BTN3A3: variants seen among roughly 807,000 people sequenced by gnomAD.
BTN3A3 encodes butyrophilin subfamily 3 member A3.
Under a neutral mutation model 43.2 loss-of-function variants are expected in BTN3A3, and 39 were observed. The observed-to-expected ratio is 0.90, with a 90% CI of 0.70 to 1.18. The LOEUF (loss-of-function observed/expected upper bound fraction) is 1.18, where lower values mean the gene tolerates loss of function less well. Ranked by LOEUF, BTN3A3 falls within the 50% of genes most tolerant of loss-of-function variation. The pLI is 0.00. For missense variants in BTN3A3, 631 were observed against 722.8 expected, an observed-to-expected ratio of 0.87 and a Z score of 1.46; for synonymous variants, 255 against 272.7, an observed-to-expected ratio of 0.93 and a Z score of 0.64.
At chr6:26,447,386 A>G (rs921209112) in intron 5 of BTN3A3, among the ~76,000 whole-genome samples, 4 of 152,150 alleles carry the variant, frequency 2.6e-5, no homozygotes, top group Non-Finnish European at 4.4e-5. Context: ...ATTTAGAGAC[A>G]GAGTCTCACT....
intron 5 of BTN3A3, 151 bp downstream of exon 5, chr6:26,446,136 A>G: frequency 7.7e-7 from 1 of 1,305,188 alleles, no homozygotes; most frequent in South Asian, 1.5e-5. Context: ...AAGGCTACTC[A>G]CTGCTTTAGG....
chr6:26,446,477 A>G (rs2281027), intron 5 of BTN3A3, among the ~76,000 whole-genome samples: 26,344 of 152,160 alleles, frequency 0.17, 6,071 homozygotes, highest in African/African-American at 0.53. Flanking sequence ...ATCATTTTTC[A>G]CTTATGATAT....
At position 26,448,317 on chromosome 6, in the gene BTN3A3, T is replaced by A; in HGVS notation, c.785T>A (p.Leu262His). ...LAGTLPISLL[L>H]LAGASYFLWR... ...GGGACCCTGCCTATCTCGTTGCTGCTTCTCGCAGGAGCCAGTTACTTCTTG... is the reference window on the plus strand; with the variant it reads ...GGGACCCTGCCTATCTCGTTGCTGCATCTCGCAGGAGCCAGTTACTTCTTG... The change falls in exon 6 of 11, where the codon CTT becomes CAT. Residue 262 changes from leucine to histidine, a missense_variant. By Grantham distance (99) the Leu-to-His change is moderately conservative. Transcript: ENST00000244519. The A allele has an allele frequency of 6.2e-7, 1 of 1,613,732 alleles. No homozygotes were observed. Among genetic ancestry groups the A allele is most frequent in the Non-Finnish European group, 8.5e-7 (1 of 1,179,942 alleles).
rs763588942 is a variant in BTN3A3 at position 26,452,262 on chromosome 6, C to G, written c.1606C>G (p.Leu536Val). The G allele has an allele frequency of 9.9e-6, 16 of 1,614,196 alleles. No individual in the cohort carries two copies. The highest frequency in any genetic ancestry group is 3.3e-4 in the Middle Eastern group (2 of 6,062). ...GCCTGATCATTCCCTGGAGACACCA[C>G]TGACCCCGGGCTTAGCTAATGAAAG... ...LVPDHSLETPLTPGLANESGE... is the reference protein window; with the variant it reads ...LVPDHSLETPVTPGLANESGE... The change falls in exon 11 of 11, where the codon CTG becomes GTG. Residue 536 changes from leucine to valine, a missense_variant. By Grantham distance (32) the Leu-to-Val change is conservative. Coordinates refer to ENST00000244519, the MANE Select transcript of BTN3A3 (RefSeq NM_006994.5).
intron 9 of BTN3A3, 31 bp downstream of exon 9, chr6:26,449,719 T>C: frequency 6.2e-7 from 1 of 1,613,616 alleles, no homozygotes; most frequent in East Asian, 2.2e-5. Flanking sequence ...CTGGGTTTGC[T>C]GGGTCATGTA....
intron 1 of BTN3A3, among the ~76,000 whole-genome samples, chr6:26,441,988 C>T (rs1295607568): frequency 6.6e-6 from 1 of 152,190 alleles, no homozygotes; most frequent in Non-Finnish European, 1.5e-5. Context: ...CCTTCTATAG[C>T]AACATAAAGA....
Position 26,448,390 on chromosome 6 carries a change from A to T in BTN3A3, c.858A>T (p.Arg286Ser). The change falls in exon 6 of 11, where the codon AGA becomes AGT. Residue 286 changes from arginine (R) to serine (S), a missense_variant. Coordinates refer to ENST00000244519, the MANE Select transcript of BTN3A3 (RefSeq NM_006994.5). The stretch of plus-strand genomic sequence containing the variant: ...TTGCTCTGTCCAGGGAGACAGAAAG[A>T]GAGCGAGAGATGAAAGAAATGGGAT... Reference protein sequence around the residue: ...EKIALSRETEREREMKEMGYA... With the variant: ...EKIALSRETESEREMKEMGYA... 6.2e-7 allele frequency: 1 copy of T among 1,613,998 alleles called. No individual in the cohort carries two copies. The highest frequency in any genetic ancestry group is 1.1e-5 in the South Asian group (1 of 91,078).
rs778094119 is a variant in BTN3A3 at position 26,445,926 on chromosome 6, C to T, written c.656C>T (p.Ser219Phe). 1.2e-6 allele frequency: 2 copies of T among 1,614,156 alleles called. No homozygotes were observed. Among genetic ancestry groups the T allele is most frequent in the South Asian group, 1.1e-5 (1 of 91,074 alleles). The change falls in exon 5 of 11, where the codon TCC becomes TTC. Residue 219 changes from serine (S) to phenylalanine (F), a missense_variant. This residue lies in a region of BTN3A3 where 551 missense variants were observed against 584.0 expected (regional missense o/e 0.94). Coordinates refer to ENST00000244519, the MANE Select transcript of BTN3A3 (RefSeq NM_006994.5). ...AGAGGCAGCTCTGGTGGGGGTGTAT[C>T]CTGCATCATCAGAAATTCCCTCCTC... ...IMRGSSGGGV[S>F]CIIRNSLLGL...
rs1581650857 is a variant in BTN3A3, at chr6:26,443,657, C to T, written c.83C>T (p.Ser28Leu). The T allele has an allele frequency of 1.2e-6, 2 of 1,614,114 alleles. No individual in the cohort carries two copies. The highest frequency in any genetic ancestry group is 2.2e-5 in the East Asian group (1 of 44,890). ...LFLVQLLTPC[S>L]AQFSVLGPSG... ...TTGGTCCAGCTGCTCACTCCTTGCT[C>T]AGGTAGGGAATGATTCCATGATTCC... Residue 28 changes from serine to leucine, a missense_variant and splice_region_variant, in exon 3 of 11, where the codon TCA (serine) becomes TTA (leucine). Around this residue, in one of 2 missense-constraint regions of BTN3A3, gnomAD observed 80 missense variants for 138.7 expected, o/e 0.58. Coordinates refer to ENST00000244519, the MANE Select transcript of BTN3A3 (RefSeq NM_006994.5).
At chr6:26,443,766 C>T in intron 3 of BTN3A3, 107 bp downstream of exon 3, 2 of 1,494,670 alleles carry the variant, frequency 1.3e-6, no homozygotes, top group Non-Finnish European at 1.8e-6. Context: ...GAACCTTTAA[C>T]TCATTCCCAT....
Position 26,452,149 on chromosome 6 carries a change from T to C in BTN3A3, c.1493T>C (p.Val498Ala), listed in dbSNP as rs777638042. The change falls in exon 11 of 11, where the codon GTT becomes GCT. Residue 498 changes from valine to alanine, a missense_variant. Val to Ala is a moderately conservative substitution (Grantham distance 64). This residue lies in a region of BTN3A3 where 551 missense variants were observed against 584.0 expected (regional missense o/e 0.94). Transcript: ENST00000244519. The part of the protein sequence containing the change: ...HASFSEPLYP[V>A]FRILTLEPTA... The stretch of plus-strand genomic sequence containing the variant: ...TCTTTCTCTGAGCCTCTATATCCTG[T>C]TTTCAGAATTTTGACCTTGGAGCCC... 6.2e-7 allele frequency: 1 copy of C among 1,614,134 alleles called. No individual in the cohort carries two copies. The highest frequency in any genetic ancestry group is 2.2e-5 in the East Asian group (1 of 44,878).
At chr6:26,448,227 C>T (rs972613746) in intron 5 of BTN3A3, 21 bp from the exon 6 acceptor site, 2 of 1,611,270 alleles carry the variant, frequency 1.2e-6, no homozygotes, top group Non-Finnish European at 1.7e-6. Context: ...CTCCCATGAC[C>T]CACAGCTCTC....
At position 26,452,223 on chromosome 6, in the gene BTN3A3, G is replaced by A. The variant is rs1398079053; in HGVS notation, c.1567G>A (p.Asp523Asn). The A allele has an allele frequency of 3.7e-6, 6 of 1,613,942 alleles. No individual in the cohort carries two copies. In the African/African-American group the frequency reaches 5.3e-5, roughly 14 times the overall value. Residue 523 changes from aspartate (D) to asparagine (N), a missense_variant, in exon 11 of 11, where the codon GAT becomes AAT. Asp to Asn is a conservative substitution (Grantham distance 23, BLOSUM62 1). Coordinates refer to ENST00000244519, the MANE Select transcript of BTN3A3 (RefSeq NM_006994.5). ...ACCAAAAGAAGTAGAGAGTTCCCCC[G>A]ATCCTGACCTAGTGCCTGATCATTC... ...PIPKEVESSPDPDLVPDHSLE... is the reference protein window; with the variant it reads ...PIPKEVESSPNPDLVPDHSLE...
intron 10 of BTN3A3, among the ~76,000 whole-genome samples, chr6:26,450,506 C>G (rs1762900635): frequency 6.6e-6 from 1 of 152,198 alleles, no homozygotes; most frequent in African/African-American, 2.4e-5. Flanking sequence ...TCTCATGCCC[C>G]CTACTGCCTG....
intron 5 of BTN3A3, among the ~76,000 whole-genome samples, chr6:26,447,389 G>A (rs1246265052): frequency 6.6e-6 from 1 of 152,098 alleles, no homozygotes; most frequent in Non-Finnish European, 1.5e-5. Context: ...TAGAGACAGA[G>A]TCTCACTCTG....
chr6:26,452,251 T>C lies in BTN3A3; in HGVS notation c.1595T>C (p.Leu532Pro), dbSNP rs1260507357. The change falls in exon 11 of 11, where the codon CTG becomes CCG. Residue 532 changes from leucine to proline, a missense_variant. By Grantham distance (98) the Leu-to-Pro change is moderately conservative. Transcript: ENST00000244519. ...CCTGACCTAGTGCCTGATCATTCCC[T>C]GGAGACACCACTGACCCCGGGCTTA... ...PDPDLVPDHS[L>P]ETPLTPGLAN... 2 of 1,614,154 alleles carry C rather than the reference T, an allele frequency of 1.2e-6. No homozygotes were observed. Among genetic ancestry groups the C allele is most frequent in the East Asian group, 2.2e-5 (1 of 44,876 alleles).
Position 26,449,819 on chromosome 6 carries a change from G to A in BTN3A3, c.991+131G>A, listed in dbSNP as rs1243298737. On this transcript the variant is annotated intron_variant, in intron 9 of 10. Coordinates refer to ENST00000244519, the MANE Select transcript of BTN3A3 (RefSeq NM_006994.5). ...CTAACCCTTAGACTCAATTTTGCAT[G>A]GTAGGGGGTTGACTTCTGCTTTTCT... The A allele has an allele frequency of 2.0e-5, 25 of 1,222,502 alleles. No individual in the cohort carries two copies. The Admixed American group carries it at 4.8e-4, about 24-fold the overall frequency. 75.7% of individuals were successfully genotyped at this position (1,222,502 alleles called of 1,614,324 possible). A position where few individuals can be genotyped will look rare whatever the true frequency, so the allele number is the denominator to read the frequency against.
rs773996313 is a variant in BTN3A3 at position 26,444,024 on chromosome 6, C to T, written c.153C>T (p.Pro51=). The part of the protein sequence containing the change: ...LAMVGEDADL[P]CHLFPTMSAE... ...TGGTGGGTGAAGACGCTGATCTGCCCTGTCACCTGTTCCCGACCATGAGTG... is the reference window on the plus strand; with the variant it reads ...TGGTGGGTGAAGACGCTGATCTGCCTTGTCACCTGTTCCCGACCATGAGTG... The change falls in exon 4 of 11, where the codon CCC becomes CCT. Residue 51 remains proline, a synonymous_variant. Coordinates refer to ENST00000244519, the MANE Select transcript of BTN3A3 (RefSeq NM_006994.5). 6.2e-7 allele frequency: 1 copy of T among 1,613,968 alleles called. No homozygotes were observed. Among genetic ancestry groups the T allele is most frequent in the South Asian group, 1.1e-5 (1 of 91,070 alleles).
At chr6:26,443,165 T>C (rs1741742) in intron 1 of BTN3A3, among the ~76,000 whole-genome samples, 14 of 152,278 alleles carry the variant, frequency 9.2e-5, no homozygotes, top group South Asian at 2.1e-4. Flanking sequence ...AAGAGTTTGA[T>C]GCTTGAGGAG....
Sources: allele counts gnomAD v4.1 joint callset (sites outside exome capture counted in the v4.1 genomes callset), GRCh38; gene constraint gnomAD v4.1.1; regional missense constraint gnomAD v4.1.1; transcripts MANE v1.5; gene names NCBI Gene and HGNC (gene_info 2026-07-23, HGNC 2026-07-21).